The following LMF2 variants were observed in gnomAD, a reference collection of about 807,000 sequenced individuals.
LMF2 encodes lipase maturation factor 2, also known as transmembrane protein 112B.
A neutral mutation model predicts 81.5 loss-of-function variants in LMF2; 113 were observed. That is an observed-to-expected ratio of 1.39 (90% CI 1.19 to 1.62). LMF2 has a LOEUF of 1.62. Among genes scored for constraint, LMF2 ranks in the 40% most tolerant of loss-of-function variants. The pLI, the probability that LMF2 is intolerant of heterozygous loss-of-function variation, is 0.00. For synonymous variants in LMF2, 645 were observed against 424.5 expected (o/e 1.52, Z -6.39); for missense variants, 1,235 against 929.1 (o/e 1.33, Z -4.28).
At position 50,507,137 on chromosome 22, in the gene LMF2, G is replaced by A. The variant is rs537725543; in HGVS notation, c.95-102C>T. 32 of 1,466,580 alleles carry A rather than the reference G, an allele frequency of 2.2e-5. No homozygotes were observed. In the East Asian group the frequency reaches 2.6e-4, roughly 12 times the overall value. The allele number at this position is 1,466,580 out of a possible 1,614,324, so 90.8% of individuals were successfully genotyped here. On this transcript the variant is annotated intron_variant, in intron 1 of 13. Transcript: ENST00000474879. ...TCCCCCAGCCTAGGTCAGAGCATGC[G>A]GATACCTCCATCCCTAGGTCAGAGT... is the stretch of plus-strand genomic sequence containing the variant.
Position 50,503,348 on chromosome 22 carries a change from C to A in LMF2, c.*43G>T. On this transcript the variant is annotated 3_prime_UTR_variant, in exon 14 of 14. Coordinates refer to ENST00000474879, the MANE Select transcript of LMF2 (RefSeq NM_033200.3). ...GTCCTGCCGGAGGCCAGAGCACTCC[C>A]GGCGACCTGGCCCTCTCAGGACGTG... 1 of 1,600,512 alleles carries A rather than the reference C, an allele frequency of 6.2e-7. No homozygotes were observed. Among genetic ancestry groups the A allele is most frequent in the South Asian group, 1.1e-5 (1 of 89,866 alleles).
intron 10 of LMF2, 27 bp downstream of exon 10, chr22:50,504,775 C>G (rs1285824832): frequency 5.0e-6 from 8 of 1,603,982 alleles, no homozygotes; most frequent in East Asian, 4.5e-5. Flanking sequence ...TGGGCCCCAC[C>G]ACCCTGCCCG....
chr22:50,507,671 G>T lies in LMF2; in HGVS notation c.5C>A (p.Ala2Glu). 6.5e-7 allele frequency: 1 copy of T among 1,550,118 alleles called. No homozygotes were observed. The highest frequency in any genetic ancestry group is 1.2e-5 in the South Asian group (1 of 84,154). The change falls in exon 1 of 14, where the codon GCG becomes GAG. Residue 2 changes from alanine (A) to glutamate (E), a missense_variant. Transcript: ENST00000474879. M[A>E]GSRLPRQLFL... ...GAGCTGCCGCGGGAGCCGGGAGCCCGCCATGTCCGCTACGCGGCCCGCTAG... is the reference window on the plus strand; with the variant it reads ...GAGCTGCCGCGGGAGCCGGGAGCCCTCCATGTCCGCTACGCGGCCCGCTAG...
rs1001883107 is a variant in LMF2, at chr22:50,505,983, C to A, written c.774+52G>T. ...CCCCAACAGGGCACGCTGAGCAGCG[C>A]TGAAGGCCGAGCCCTGTCTGCCTCT... On this transcript the variant is annotated intron_variant, in intron 5 of 13. Transcript: ENST00000474879. 5.1e-6 allele frequency: 8 copies of A among 1,562,304 alleles called. No homozygotes were observed. The African/African-American group carries it at 8.1e-5, about 16-fold the overall frequency.
rs746149311 is a variant in LMF2, at chr22:50,506,858, C to T, written c.272G>A (p.Gly91Glu). Residue 91 changes from glycine to glutamate, a missense_variant, in exon 2 of 14, where the codon GGA becomes GAA. Coordinates refer to ENST00000474879, the MANE Select transcript of LMF2 (RefSeq NM_033200.3). ...LSLLGALVAL[G>E]ALLLSPLRHP... Reference sequence around the variant, plus strand: ...GCGCAGTGGGCTCAGCAGCAGGGCTCCCAGGGCCACTAGTGCACCCAGCAG... The same window carrying T: ...GCGCAGTGGGCTCAGCAGCAGGGCTTCCAGGGCCACTAGTGCACCCAGCAG... 4 of 1,593,590 alleles carry T rather than the reference C, an allele frequency of 2.5e-6. No individual in the cohort carries two copies. The Admixed American group carries it at 7.0e-5, about 28-fold the overall frequency.
At position 50,503,310 on chromosome 22, in the gene LMF2, G is replaced by C; in HGVS notation, c.*81C>G. 1 of 1,477,580 alleles carries C rather than the reference G, an allele frequency of 6.8e-7. No individual in the cohort carries two copies. Among genetic ancestry groups the C allele is most frequent in the Non-Finnish European group, 9.2e-7 (1 of 1,084,932 alleles). 91.5% of individuals were successfully genotyped at this position (1,477,580 alleles called of 1,614,324 possible). Reference sequence around the variant, plus strand: ...GCCCTGCAGGGTCAGCTAAGGCACAGTGGCTGGGTCCTGTCCTGCCGGAGG... The same window carrying C: ...GCCCTGCAGGGTCAGCTAAGGCACACTGGCTGGGTCCTGTCCTGCCGGAGG... On this transcript the variant is annotated 3_prime_UTR_variant, in exon 14 of 14. Transcript: ENST00000474879.
chr22:50,504,474 G>A, intron 11 of LMF2, 23 bp from the exon 12 acceptor site: 1 of 1,602,212 alleles, frequency 6.2e-7, no homozygotes, highest in South Asian at 1.1e-5. Flanking sequence ...GCATCAGCGT[G>A]GCCCCCACAG....
intron 12 of LMF2, 101 bp from the exon 13 acceptor site, chr22:50,504,005 A>C: frequency 1.9e-6 from 2 of 1,047,990 alleles, no homozygotes; most frequent in Non-Finnish European, 2.7e-6. Context: ...CTCACGCTCC[A>C]CATCCCCCCC....
In LMF2 at chr22:50,505,496, C is replaced by A; in HGVS notation, c.958G>T (p.Glu320Ter). 1 of 1,612,788 alleles carries A rather than the reference C, an allele frequency of 6.2e-7. No homozygotes were observed. Among genetic ancestry groups the A allele is most frequent in the Non-Finnish European group, 8.5e-7 (1 of 1,180,024 alleles). Residue 320 changes from glutamate to a stop codon, truncating the protein, a stop_gained, in exon 7 of 14, where the codon GAA becomes TAA. Coordinates refer to ENST00000474879, the MANE Select transcript of LMF2 (RefSeq NM_033200.3). LOFTEE classifies it high-confidence loss of function. The stretch of plus-strand genomic sequence containing the variant: ...GCCAGAAGCCCGTAGACGGCTAGTT[C>A]CAGCAGCAGCGACAGGGTGGCCAGC... ...ALLATLSLLL[E>*]LAVYGLLAYG... is the part of the protein sequence containing the mutation.
chr22:50,505,031 T>TC (rs375513101), intron 9 of LMF2, 26 bp downstream of exon 9: 1 of 1,611,972 alleles, frequency 6.2e-7, no homozygotes, highest in African/African-American at 1.3e-5. Context: ...CCCCAGCCCA[T>TC]CCCCCAGCCC....
Position 50,507,698 on chromosome 22 carries a change from G to A in LMF2, c.-23C>T. ...CATGTCCGCTACGCGGCCCGCTAGA[G>A]CAGGGCCCGCCCTCCGCGTCCGCCC... On this transcript the variant is annotated 5_prime_UTR_variant, in exon 1 of 14. Transcript: ENST00000474879. The A allele has an allele frequency of 2.6e-6, 4 of 1,536,054 alleles. No individual in the cohort carries two copies. The highest frequency in any genetic ancestry group is 1.2e-5 in the South Asian group (1 of 83,730).
rs756193591 is a variant in LMF2 at position 50,505,388 on chromosome 22, C to G, written c.1051+15G>C. 1 of 1,613,256 alleles carries G rather than the reference C, an allele frequency of 6.2e-7. No homozygotes were observed. The highest frequency in any genetic ancestry group is 8.5e-7 in the Non-Finnish European group (1 of 1,180,032). On this transcript the variant is annotated intron_variant, in intron 7 of 13. Transcript: ENST00000474879. ...GTCCGCCCCTGCCCTCTGGCCCCCC[C>G]AGGTCGGCACTCACTGGTTCTGGAG...
At chr22:50,507,464 C>T (rs1437021823) in intron 1 of LMF2, 118 bp downstream of exon 1, 1 of 818,504 alleles carries the variant, frequency 1.2e-6, no homozygotes, top group Non-Finnish European at 2.1e-6. Context: ...GCCCCCTACC[C>T]CACGCCAAGG....
chr22:50,506,567 C>A, intron 3 of LMF2, 65 bp from the exon 4 acceptor site: 2 of 1,589,952 alleles, frequency 1.3e-6, no homozygotes, highest in Non-Finnish European at 1.7e-6. Context: ...GGAAAGTCCT[C>A]CCAGGAAGGG....
intron 1 of LMF2, 136 bp downstream of exon 1, chr22:50,507,446 G>T: frequency 2.7e-6 from 2 of 738,624 alleles, no homozygotes; most frequent in South Asian, 3.0e-5. Context: ...TGCAGGACAC[G>T]AACCGCCGCC....
At position 50,505,019 on chromosome 22, in the gene LMF2, GC is replaced by G. The variant is rs749535524; in HGVS notation, c.1255-36del. ...GGTGGGAGGTTCTCAGGGCTGCCCT[GC>G]CCCCAGCCCATCCCCCAGCCCTGCA... is the stretch of plus-strand genomic sequence containing the variant. On this transcript the variant is annotated intron_variant, in intron 9 of 13. Coordinates refer to ENST00000474879, the MANE Select transcript of LMF2 (RefSeq NM_033200.3). 6.8e-6 allele frequency: 11 copies of G among 1,612,094 alleles called. No individual in the cohort carries two copies. The South Asian group carries it at 7.7e-5, about 11-fold the overall frequency.
At position 50,506,098 on chromosome 22, in the gene LMF2, G is replaced by C; in HGVS notation, c.711C>G (p.Ile237Met). ...GGGCGAAGAACAGGGGCGGCACAGC[G>C]ATCTCAATTAGGAAGGTGGCCACCA... ...LSVVATFLIE[I>M]AVPPLFFAPI... Residue 237 changes from isoleucine (I) to methionine (M), a missense_variant, in exon 5 of 14, where the codon ATC becomes ATG. By Grantham distance (10) the Ile-to-Met change is conservative (BLOSUM62 1). Transcript: ENST00000474879. 6.3e-7 allele frequency: 1 copy of C among 1,589,628 alleles called. No individual in the cohort carries two copies. Among genetic ancestry groups the C allele is most frequent in the Non-Finnish European group, 8.6e-7 (1 of 1,168,318 alleles).
chr22:50,504,383 C>G lies in LMF2; in HGVS notation c.1675G>C (p.Ala559Pro). ...FHKQPPTYVR[A>P]QRYKYWFSQP... ...GAGAACCAGTACTTGTAGCGCTGGG[C>G]TCGGACGTAGGTGGGCGGCTGCTTG... Residue 559 changes from alanine (A) to proline (P), a missense_variant, in exon 12 of 14, where the codon GCC becomes CCC. By Grantham distance (27) the Ala-to-Pro change is conservative. Transcript: ENST00000474879. 1 of 1,612,376 alleles carries G rather than the reference C, an allele frequency of 6.2e-7. No homozygotes were observed. The highest frequency in any genetic ancestry group is 1.1e-5 in the South Asian group (1 of 91,066).
Position 50,503,908 on chromosome 22 carries a change from C to G in LMF2, c.1719-4G>C. The G allele has an allele frequency of 6.2e-7, 1 of 1,604,166 alleles. No individual in the cohort carries two copies. Among genetic ancestry groups the G allele is most frequent in the Non-Finnish European group, 8.5e-7 (1 of 1,179,212 alleles). The stretch of plus-strand genomic sequence containing the variant: ...CCACTGGCGCCGCCACCACTGGCTG[C>G]AGCAGGACCCGATGTTCAGAAGCTG... On this transcript the variant is annotated splice_region_variant and splice_polypyrimidine_tract_variant and intron_variant, in intron 12 of 13. Coordinates refer to ENST00000474879, the MANE Select transcript of LMF2 (RefSeq NM_033200.3).
Sources: gnomAD v4.1 joint callset for allele counts on GRCh38, gnomAD v4.1.1 for gene constraint, MANE v1.5 for transcripts, NCBI Gene and HGNC (gene_info 2026-07-23, HGNC 2026-07-21) for gene names.